The following FYN variants were observed in gnomAD, a reference collection of about 807,000 sequenced individuals.
FYN encodes the protein FYN proto-oncogene, Src family tyrosine kinase, also known as tyrosine-protein kinase Fyn.
FYN carries 10 observed loss-of-function variants against 70.2 expected under a neutral mutation model. The observed-to-expected ratio is 0.14, with a 90% CI of 0.09 to 0.24. The LOEUF (loss-of-function observed/expected upper bound fraction) is 0.24, where lower values mean the gene tolerates loss of function less well. FYN is among the 10% of genes least tolerant of loss of function. The pLI is 1.00. For synonymous variants in FYN, 236 were observed against 248.6 expected (o/e 0.95, Z 0.48); for missense variants, 319 against 673.1 (o/e 0.47, Z 5.82).
intron 2 of FYN, among the ~76,000 whole-genome samples, chr6:111,785,723 GGTTT>G (rs1387661581): frequency 6.6e-6 from 1 of 151,578 alleles, no homozygotes; most frequent in Non-Finnish European, 1.5e-5. Context: ...ACAACGTGAA[GGTTT>G]GTTACATATG....
At chr6:111,784,184 A>C (rs931815010) in intron 2 of FYN, among the ~76,000 whole-genome samples, 8 of 152,116 alleles carry the variant, frequency 5.3e-5, no homozygotes, top group African/African-American at 1.9e-4. Context: ...AGACAGAACA[A>C]ACACAGGGAA....
intron 2 of FYN, among the ~76,000 whole-genome samples, chr6:111,837,837 C>G (rs140215058): frequency 0.013 from 1,924 of 152,268 alleles, 10 homozygotes; most frequent in Non-Finnish European, 0.021. Context: ...CACCCTGAAA[C>G]CATCTCACTT....
intron 3 of FYN, among the ~76,000 whole-genome samples, chr6:111,760,738 C>A (rs1802971104): frequency 6.6e-6 from 1 of 152,222 alleles, no homozygotes; most frequent in South Asian, 2.1e-4. Context: ...CCATGTTCCT[C>A]ACTGTGGGGT....
chr6:111,718,586 T>C (rs1800781839), intron 4 of FYN, among the ~76,000 whole-genome samples: 1 of 152,194 alleles, frequency 6.6e-6, no homozygotes, highest in Admixed American at 6.5e-5. Flanking sequence ...AAAGCCCTTA[T>C]GCTTCTCACG....
intron 2 of FYN, among the ~76,000 whole-genome samples, chr6:111,840,809 T>A (rs1773336712): frequency 6.6e-6 from 1 of 152,214 alleles, no homozygotes. Context: ...TTATTAATAA[T>A]CTTTCCTTCA....
chr6:111,739,596 G>A (rs7772036), intron 3 of FYN, among the ~76,000 whole-genome samples: 69,951 of 152,090 alleles, frequency 0.46, 16,330 homozygotes, highest in East Asian at 0.62. Flanking sequence ...AATGGTTTCA[G>A]TTCCACTCCA....
rs1583322127 is a variant in FYN, at chr6:111,697,531, G to T, written c.863-1075C>A. Among the ~76,000 whole-genome samples, 2 of 152,220 alleles carry T rather than the reference G, an allele frequency of 1.3e-5. 1 individual carries two copies. Among genetic ancestry groups the T allele is most frequent in the East Asian group, 3.9e-4 (2 of 5,170 alleles). On this transcript the variant is annotated intron_variant, in intron 9 of 13. Coordinates refer to ENST00000354650, the MANE Select transcript of FYN (RefSeq NM_002037.5). ...GACATGGTTCATACAATTACAACATGCAACCTACAAAATATAAATTATGAA... is the reference window on the plus strand; with the variant it reads ...GACATGGTTCATACAATTACAACATTCAACCTACAAAATATAAATTATGAA...
intron 13 of FYN, among the ~76,000 whole-genome samples, chr6:111,670,539 C>T (rs1562461443): frequency 6.6e-6 from 1 of 151,546 alleles, no homozygotes; most frequent in Non-Finnish European, 1.5e-5. Flanking sequence ...TGCTTCACTG[C>T]TGTATTCTTG....
At chr6:111,779,252 C>T (rs1771080520) in intron 3 of FYN, among the ~76,000 whole-genome samples, 2 of 151,470 alleles carry the variant, frequency 1.3e-5, no homozygotes. Flanking sequence ...AAACACTGGC[C>T]CATCTGCAAT....
chr6:111,677,056 G>A (rs915015717), intron 12 of FYN, among the ~76,000 whole-genome samples: 17 of 152,180 alleles, frequency 1.1e-4, no homozygotes, highest in Non-Finnish European at 1.2e-4. Flanking sequence ...TTGAAAGGAA[G>A]TCATTTGTAG....
intron 3 of FYN, among the ~76,000 whole-genome samples, chr6:111,750,801 G>A (rs1230847110): frequency 6.7e-6 from 1 of 148,150 alleles, no homozygotes; most frequent in Non-Finnish European, 1.5e-5. Context: ...ATGCGTTCCC[G>A]CCATTCCATA....
intron 1 of FYN, among the ~76,000 whole-genome samples, chr6:111,869,292 C>T (rs749916676): frequency 6.6e-6 from 1 of 152,260 alleles, no homozygotes; most frequent in African/African-American, 2.4e-5. Flanking sequence ...GGCTGAGCCT[C>T]CTGCCCTTCC....
chr6:111,850,110 T>A (rs1243229041), intron 1 of FYN, among the ~76,000 whole-genome samples: 1 of 152,214 alleles, frequency 6.6e-6, no homozygotes, highest in East Asian at 1.9e-4. Flanking sequence ...TACCCAGCAA[T>A]TCTTGCTATT....
chr6:111,725,843 G>A (rs1429766518), intron 3 of FYN, among the ~76,000 whole-genome samples: 1 of 152,222 alleles, frequency 6.6e-6, no homozygotes, highest in Non-Finnish European at 1.5e-5. Flanking sequence ...TAGGATTTAT[G>A]AATGATGGGG....
At chr6:111,739,625 T>C (rs1270344732) in intron 3 of FYN, among the ~76,000 whole-genome samples, 1 of 152,272 alleles carries the variant, frequency 6.6e-6, no homozygotes, top group Non-Finnish European at 1.5e-5. Context: ...GAGGCAGGTT[T>C]CCTTCCACTT....
intron 13 of FYN, among the ~76,000 whole-genome samples, chr6:111,668,820 C>T (rs930411354): frequency 2.0e-5 from 3 of 152,142 alleles, no homozygotes; most frequent in East Asian, 1.9e-4. Context: ...GGGAGAGACA[C>T]GCACCCTCGG....
In FYN at chr6:111,696,720, CTCTT is replaced by C. The variant is rs541046652; in HGVS notation, c.863-268_863-265del. 7.8e-4 allele frequency: 252 copies of C among 321,816 alleles called. 1 individual carries two copies. The highest frequency in any genetic ancestry group is 6.2e-3 in the Middle Eastern group (7 of 1,122). 19.9% of individuals were successfully genotyped at this position (321,816 alleles called of 1,614,324 possible). On this transcript the variant is annotated intron_variant, in intron 9 of 13. Coordinates refer to ENST00000354650, the MANE Select transcript of FYN (RefSeq NM_002037.5). ...TTAAATTTTGATATATTACCACTCTCTCTTTTTTTGGCTCAGTCATATGATTACA... is the reference window on the plus strand; with the variant it reads ...TTAAATTTTGATATATTACCACTCTCTTTTTGGCTCAGTCATATGATTACA...
intron 1 of FYN, among the ~76,000 whole-genome samples, chr6:111,851,452 G>C (rs1328367293): frequency 6.6e-6 from 1 of 152,118 alleles, no homozygotes; most frequent in Non-Finnish European, 1.5e-5. Flanking sequence ...TCACAATTGA[G>C]AGCACACAAC....
At chr6:111,737,916 T>C (rs1562498413) in intron 3 of FYN, among the ~76,000 whole-genome samples, 1 of 152,192 alleles carries the variant, frequency 6.6e-6, no homozygotes, top group Non-Finnish European at 1.5e-5. Context: ...TTGACTATTT[T>C]CCCATAAAAA....
Sources: gnomAD v4.1 joint callset for allele counts (sites outside exome capture counted in the v4.1 genomes callset) on GRCh38, gnomAD v4.1.1 for gene constraint, MANE v1.5 for transcripts, NCBI Gene and HGNC (gene_info 2026-07-23, HGNC 2026-07-21) for gene names.